The following TNC variants were observed in gnomAD, a reference collection of about 807,000 sequenced individuals.
TNC encodes tenascin C.
TNC carries 109 observed loss-of-function variants against 202.4 expected under a neutral mutation model. That is an observed-to-expected ratio of 0.54 (90% CI 0.46 to 0.63). The LOEUF (loss-of-function observed/expected upper bound fraction) is 0.63. Ranked by LOEUF, TNC falls within the 30% of genes least tolerant of loss-of-function variation. The pLI is 0.00. For synonymous variants in TNC, 1,007 were observed against 1,089.7 expected, an observed-to-expected ratio of 0.92 and a Z score of 1.50; for missense variants, 2,756 against 2,833.3, an observed-to-expected ratio of 0.97 and a Z score of 0.62.
chr9:115,035,209 C>G lies in TNC; in HGVS notation c.5782G>C (p.Val1928Leu). The G allele has an allele frequency of 1.2e-6, 2 of 1,610,058 alleles. No individual in the cohort carries two copies. Among genetic ancestry groups the G allele is most frequent in the African/African-American group, 2.7e-5 (2 of 74,698 alleles). Residue 1928 changes from valine (V) to leucine (L), a missense_variant, in exon 22 of 28, where the codon GTC (valine) becomes CTC (leucine). By Grantham distance (32) the Val-to-Leu change is conservative. Around this residue, in one of 2 missense-constraint regions of TNC, gnomAD observed 2,559 missense variants for 2,546.0 expected, o/e 1.01. Transcript: ENST00000350763. The part of the protein sequence containing the change: ...LLVYESVDGT[V>L]KEVIVGPDTT... ...TTGTTATATACTTAAAATACCTTGA[C>G]TGTGCCATCCACTGATTCATAGACC...
At chr9:115,048,054 C>A (rs765447863) in intron 16 of TNC, among the ~76,000 whole-genome samples, 13 of 152,244 alleles carry the variant, frequency 8.5e-5, no homozygotes, top group Non-Finnish European at 1.6e-4. Flanking sequence ...AATATTTCGA[C>A]CTTCTCATTT....
intron 1 of TNC, among the ~76,000 whole-genome samples, chr9:115,112,298 T>C (rs1319756672): frequency 3.3e-5 from 5 of 152,156 alleles, no homozygotes; most frequent in Non-Finnish European, 7.4e-5. Context: ...TCACCCTCTT[T>C]AAAATGAGGT....
chr9:115,112,751 A>C (rs1301240410), intron 1 of TNC: 3 of 152,684 alleles, frequency 2.0e-5, no homozygotes, highest in Non-Finnish European at 4.4e-5. Context: ...AATGAACTCC[A>C]GCAGACAAAG....
rs369919259 is a variant in TNC at position 115,076,052 on chromosome 9, G to T, written c.2930C>A (p.Ala977Glu). 5.6e-6 allele frequency: 9 copies of T among 1,614,070 alleles called. No homozygotes were observed. In the Admixed American group the frequency reaches 1.5e-4, roughly 27 times the overall value. ...CCCACCTGTGGCTGCGTTGATGGTC[G>T]CTGGATTGCTCTCCTTGTCTTCCTT... is the stretch of plus-strand genomic sequence containing the variant. ...AVKEDKESNP[A>E]TINAATELDT... The change falls in exon 9 of 28, where the codon GCG becomes GAG. Residue 977 changes from alanine (A) to glutamate (E), a missense_variant. Transcript: ENST00000350763.
In TNC at chr9:115,062,984, G is replaced by A. The variant is rs1185831901; in HGVS notation, c.3966C>T (p.Tyr1322=). Reference sequence around the variant, plus strand: ...TGACCTCGCCGTGCAGGGTGACTGTGTAAGGAGTGCCAGCCCTGAGGCCTG... The same window carrying A: ...TGACCTCGCCGTGCAGGGTGACTGTATAAGGAGTGCCAGCCCTGAGGCCTG... The part of the protein sequence containing the change: ...EIPGLRAGTP[Y]TVTLHGEVRG... The change falls in exon 13 of 28, where the codon TAC becomes TAT. Residue 1322 remains tyrosine, a synonymous_variant. Transcript: ENST00000350763. 6.2e-7 allele frequency: 1 copy of A among 1,614,008 alleles called. No homozygotes were observed.
intron 1 of TNC, among the ~76,000 whole-genome samples, chr9:115,103,766 T>C (rs546791273): frequency 6.6e-6 from 1 of 152,206 alleles, no homozygotes; most frequent in Non-Finnish European, 1.5e-5. Flanking sequence ...ACCCTCCAAA[T>C]AGTGTTTCTT....
At chr9:115,113,973 A>T (rs901767522) in intron 1 of TNC, among the ~76,000 whole-genome samples, 4 of 152,300 alleles carry the variant, frequency 2.6e-5, no homozygotes, top group Admixed American at 2.0e-4. Flanking sequence ...ATGTCTGGCC[A>T]CCAGGATTAG....
chr9:115,079,526 A>T (rs1275147927), intron 6 of TNC, among the ~76,000 whole-genome samples: 1 of 152,146 alleles, frequency 6.6e-6, no homozygotes, highest in African/African-American at 2.4e-5. Context: ...CCTTGCATTA[A>T]AGAAGTTGGG....
At chr9:115,101,620 T>A (rs528128248) in intron 1 of TNC, among the ~76,000 whole-genome samples, 1 of 152,340 alleles carries the variant, frequency 6.6e-6, no homozygotes, top group Admixed American at 6.5e-5. Context: ...AGCAAGAGTA[T>A]AAATGTTAAC....
chr9:115,048,153 T>G, intron 16 of TNC, 107 bp downstream of exon 16: 1 of 1,357,352 alleles, frequency 7.4e-7, no homozygotes, highest in Non-Finnish European at 1.0e-6. Flanking sequence ...ATTTATGGAT[T>G]AAGTAGGGAA....
rs186534730 is a variant in TNC, at chr9:115,063,741, C to T, written c.3760+55G>A. The T allele has an allele frequency of 7.7e-6, 12 of 1,557,878 alleles. No individual in the cohort carries two copies. The East Asian group carries it at 2.5e-4, about 32-fold the overall frequency. ...TTTAAAGCAAGAAAGTGCTTTGATT[C>T]CTCCCGAGCAGAGACAAAGGGGAGG... On this transcript the variant is annotated intron_variant, in intron 12 of 27. Coordinates refer to ENST00000350763, the MANE Select transcript of TNC (RefSeq NM_002160.4).
chr9:115,060,070 GC>G, intron 13 of TNC, 68 bp from the exon 14 acceptor site: 8 of 1,445,514 alleles, frequency 5.5e-6, no homozygotes, highest in East Asian at 2.4e-5. Context: ...ACATCCCACA[GC>G]CCAACTCTAG....
At position 115,086,685 on chromosome 9, in the gene TNC, G is replaced by A. The variant is rs767030265; in HGVS notation, c.1046C>T (p.Ala349Val). The A allele has an allele frequency of 5.0e-6, 8 of 1,614,040 alleles. No individual in the cohort carries two copies. Among genetic ancestry groups the A allele is most frequent in the Non-Finnish European group, 6.8e-6 (8 of 1,180,026 alleles). ...CTCACACCGGCCCTGGGTGTGGCAG[G>A]CATGTGGGCAGGTGGGTTTCCCGCA... The part of the protein sequence containing the change: ...EDCGKPTCPH[A>V]CHTQGRCEEG... The change falls in exon 3 of 28, where the codon GCC becomes GTC. Residue 349 changes from alanine to valine, a missense_variant. This residue lies in a region of TNC where 2,559 missense variants were observed against 2,546.0 expected (regional missense o/e 1.01). Transcript: ENST00000350763.
chr9:115,097,621 A>G (rs903674785), intron 1 of TNC, among the ~76,000 whole-genome samples: 7 of 152,220 alleles, frequency 4.6e-5, no homozygotes, highest in Non-Finnish European at 7.3e-5. Context: ...GGTGGGTTCA[A>G]ATTGAAGCCT....
chr9:115,083,558 A>G (rs1834469586), intron 4 of TNC, among the ~76,000 whole-genome samples: 1 of 151,784 alleles, frequency 6.6e-6, no homozygotes, highest in Non-Finnish European at 1.5e-5. Flanking sequence ...GGGGTTAACA[A>G]TAGCTCCTAT....
At chr9:115,093,850 A>G (rs777799810) in intron 1 of TNC, among the ~76,000 whole-genome samples, 60 of 152,234 alleles carry the variant, frequency 3.9e-4, no homozygotes, top group Middle Eastern at 3.4e-3. Flanking sequence ...GTACCACCAA[A>G]TGTTGCATCG....
At position 115,042,330 on chromosome 9, in the gene TNC, G is replaced by T. The variant is rs1377467653; in HGVS notation, c.5137C>A (p.Pro1713Thr). 1.2e-6 allele frequency: 2 copies of T among 1,614,002 alleles called. No homozygotes were observed. The highest frequency in any genetic ancestry group is 1.7e-4 in the Middle Eastern group (1 of 6,060). Residue 1713 changes from proline (P) to threonine (T), a missense_variant, in exon 18 of 28, where the codon CCA becomes ACA. Pro to Thr is a conservative substitution (Grantham distance 38). Around this residue, in one of 2 missense-constraint regions of TNC, gnomAD observed 2,559 missense variants for 2,546.0 expected, o/e 1.01. Coordinates refer to ENST00000350763, the MANE Select transcript of TNC (RefSeq NM_002160.4). ...SAIATTAMGS[P>T]KEVIFSDITE... ...ATGTCTGAGAAAATGACTTCCTTTGGGGAGCCCATGGCTGTCAAGAAGAAA... is the reference window on the plus strand; with the variant it reads ...ATGTCTGAGAAAATGACTTCCTTTGTGGAGCCCATGGCTGTCAAGAAGAAA...
intron 10 of TNC, among the ~76,000 whole-genome samples, chr9:115,071,026 C>G (rs1049777639): frequency 6.6e-6 from 1 of 152,202 alleles, no homozygotes; most frequent in Non-Finnish European, 1.5e-5. Context: ...TCTGTACCCT[C>G]GATCGTAGTG....
rs34706824 is a variant in TNC at position 115,092,749 on chromosome 9, A to AT, written c.-136-1596dup. On this transcript the variant is annotated intron_variant, in intron 1 of 27. Coordinates refer to ENST00000350763, the MANE Select transcript of TNC (RefSeq NM_002160.4). ...CTGCCATGCCTGGCTGATTTTTTGT[A>AT]TTTTTTTTTTTTTTTTAGTAGAGTT... Among the ~76,000 whole-genome samples the AT allele has an allele frequency of 0.032, 4,411 of 139,252 alleles. 408 individuals are homozygous for AT. In the East Asian group the frequency reaches 0.39, roughly 12 times the overall value. 91.4% of individuals were successfully genotyped at this position (139,252 alleles called of 152,430 possible).
Sources: gnomAD v4.1 joint callset for allele counts (sites outside exome capture counted in the v4.1 genomes callset) on GRCh38, gnomAD v4.1.1 for gene constraint, gnomAD v4.1.1 regional missense constraint, MANE v1.5 for transcripts, NCBI Gene and HGNC (gene_info 2026-07-23, HGNC 2026-07-21) for gene names.